The following SLC17A1 variants were observed in gnomAD, a reference collection of about 807,000 sequenced individuals.
SLC17A1 encodes the protein solute carrier family 17 member 1.
A neutral mutation model predicts 53.5 loss-of-function variants in SLC17A1; 51 were observed. The observed-to-expected ratio is 0.95, with a 90% CI of 0.76 to 1.20. SLC17A1 has a LOEUF of 1.20. Among genes scored for constraint, SLC17A1 ranks in the 50% most tolerant of loss-of-function variants. The pLI, the probability that SLC17A1 is intolerant of heterozygous loss-of-function variation, is 0.00. For missense variants in SLC17A1, 538 were observed against 568.2 expected, an observed-to-expected ratio of 0.95 and a Z score of 0.54; for synonymous variants, 179 against 198.8, an observed-to-expected ratio of 0.90 and a Z score of 0.84.
chr6:25,726,887 G>A, the SLC17A1 span: 110 of 1,598,714 alleles, frequency 6.9e-5, no homozygotes, highest in African/African-American at 1.5e-4. Context: ...ACCGTGTAAC[G>A]CTGCAGAAGT....
At chr6:25,812,394 C>G (rs1451915697) in intron 8 of SLC17A1, among the ~76,000 whole-genome samples, 1 of 152,170 alleles carries the variant, frequency 6.6e-6, no homozygotes. Flanking sequence ...GCCAGTCCTT[C>G]CAAAGTAAGA....
the SLC17A1 span, among the ~76,000 whole-genome samples, chr6:25,737,537 G>A: frequency 6.6e-6 from 1 of 152,014 alleles, no homozygotes; most frequent in Admixed American, 6.6e-5. Context: ...GTATTAAACT[G>A]TTTCTCTATT....
At chr6:25,760,021 C>A in the SLC17A1 span, among the ~76,000 whole-genome samples, 4 of 152,316 alleles carry the variant, frequency 2.6e-5, no homozygotes, top group East Asian at 7.7e-4. Context: ...CTGGTACACA[C>A]CGTGAAGCAG....
At chr6:25,758,528 T>A in the SLC17A1 span, among the ~76,000 whole-genome samples, 16 of 152,350 alleles carry the variant, frequency 1.1e-4, no homozygotes, top group African/African-American at 3.8e-4. Flanking sequence ...GAGGGTTTTA[T>A]ATTTCCAGGA....
the SLC17A1 span, among the ~76,000 whole-genome samples, chr6:25,776,403 T>C: frequency 1.5e-3 from 221 of 152,288 alleles, no homozygotes; most frequent in African/African-American, 5.1e-3. Flanking sequence ...CTTGTTCTTT[T>C]TTTTTTGCAA....
the SLC17A1 span, among the ~76,000 whole-genome samples, chr6:25,760,618 CT>C: frequency 6.6e-6 from 1 of 152,084 alleles, no homozygotes; most frequent in Non-Finnish European, 1.5e-5. Flanking sequence ...TACATTGGAC[CT>C]TTTCACTCCA....
At chr6:25,750,667 G>A in the SLC17A1 span, among the ~76,000 whole-genome samples, 221 of 150,662 alleles carry the variant, frequency 1.5e-3, 2 homozygotes, top group East Asian at 0.018. Context: ...GAGAAAGGAG[G>A]GAAGGAGAAG....
At chr6:25,727,293 G>C in the SLC17A1 span, 1 of 1,587,908 alleles carries the variant, frequency 6.3e-7, no homozygotes, top group Admixed American at 1.8e-5. Context: ...CTCCAAGTAA[G>C]CCTGCTAAGT....
At chr6:25,739,614 G>T in the SLC17A1 span, among the ~76,000 whole-genome samples, 3 of 152,126 alleles carry the variant, frequency 2.0e-5, no homozygotes, top group Non-Finnish European at 4.4e-5. Context: ...CAACAAAAAA[G>T]AAAAGCTATT....
the SLC17A1 span, among the ~76,000 whole-genome samples, chr6:25,762,968 A>C: frequency 1.2e-3 from 190 of 152,314 alleles, 2 homozygotes; most frequent in East Asian, 0.028. Context: ...AATTTTACCA[A>C]GGTGCAGTAT....
At chr6:25,791,238 AC>A (rs1454964487) in intron 12 of SLC17A1, among the ~76,000 whole-genome samples, 1 of 152,204 alleles carries the variant, frequency 6.6e-6, no homozygotes, top group Non-Finnish European at 1.5e-5. Flanking sequence ...CTCTAAAAAC[AC>A]TGCTACAGGT....
chr6:25,752,506 G>A, the SLC17A1 span, among the ~76,000 whole-genome samples: 27 of 152,136 alleles, frequency 1.8e-4, no homozygotes, highest in African/African-American at 6.0e-4. Flanking sequence ...GTGCACTTAA[G>A]CTACACTAAG....
At chr6:25,815,138 GAAGA>G (rs1764302034) in intron 6 of SLC17A1, among the ~76,000 whole-genome samples, 1 of 143,838 alleles carries the variant, frequency 7.0e-6, no homozygotes, top group South Asian at 2.2e-4. Context: ...ATACTGGAAG[GAAGA>G]AAGAAAGAAA....
chr6:25,784,890 A>C (rs1371726631), intron 12 of SLC17A1, among the ~76,000 whole-genome samples: 1 of 152,204 alleles, frequency 6.6e-6, no homozygotes, highest in East Asian at 1.9e-4. Flanking sequence ...TCTGCTCAAC[A>C]TTATACTAGG....
the SLC17A1 span, chr6:25,726,726 G>A: frequency 3.8e-6 from 4 of 1,041,578 alleles, no homozygotes; most frequent in Admixed American, 2.5e-5. Flanking sequence ...TACCGAACGC[G>A]GCGTTTGAGG....
chr6:25,729,323 G>A, the SLC17A1 span, among the ~76,000 whole-genome samples: 1 of 152,310 alleles, frequency 6.6e-6, no homozygotes, highest in East Asian at 1.9e-4. Flanking sequence ...GATAATCACA[G>A]CCCTGGCTCC....
chr6:25,799,824 A>G (rs1763701614), intron 11 of SLC17A1, among the ~76,000 whole-genome samples: 1 of 152,356 alleles, frequency 6.6e-6, no homozygotes, highest in South Asian at 2.1e-4. Flanking sequence ...TAAAGGCACT[A>G]TGCTCAGAGG....
At chr6:25,726,471 A>AT in the SLC17A1 span, 1 of 1,613,906 alleles carries the variant, frequency 6.2e-7, no homozygotes, top group Non-Finnish European at 8.5e-7. Context: ...CCGCTCTAGA[A>AT]GAGCGAGACT....
At chr6:25,789,835 A>G (rs1486572841) in intron 12 of SLC17A1, among the ~76,000 whole-genome samples, 2 of 152,132 alleles carry the variant, frequency 1.3e-5, no homozygotes, top group Admixed American at 6.5e-5. Flanking sequence ...CGAAAAGAAT[A>G]TCACTGATAC....
Sources: gnomAD v4.1 joint callset for allele counts (sites outside exome capture counted in the v4.1 genomes callset) on GRCh38, gnomAD v4.1.1 for gene constraint, MANE v1.5 for transcripts, NCBI Gene and HGNC (gene_info 2026-07-23, HGNC 2026-07-21) for gene names.